The following HHLA1 variants were observed in gnomAD, a reference collection of about 807,000 sequenced individuals.
HHLA1 encodes the protein HERV-H LTR-associating protein 1.
A neutral mutation model predicts 69.9 loss-of-function variants in HHLA1; 72 were observed. The observed-to-expected ratio is 1.03, with a 90% CI of 0.85 to 1.25. The LOEUF (loss-of-function observed/expected upper bound fraction) is 1.25. Among genes scored for constraint, HHLA1 ranks in the 50% most tolerant of loss-of-function variants. The pLI is 0.00. For synonymous variants in HHLA1, 252 were observed against 233.2 expected, an observed-to-expected ratio of 1.08 and a Z score of -0.73; for missense variants, 685 against 642.2, an observed-to-expected ratio of 1.07 and a Z score of -0.72.
chr8:132,092,831 C>T (rs1316376292), intron 7 of HHLA1, among the ~76,000 whole-genome samples: 1 of 152,146 alleles, frequency 6.6e-6, no homozygotes, highest in Non-Finnish European at 1.5e-5. Context: ...TTCATTGTAG[C>T]TGGAGTGTGA....
chr8:132,101,218 AG>A, intron 3 of HHLA1: 1 of 1,550,484 alleles, frequency 6.4e-7, no homozygotes, highest in Non-Finnish European at 8.7e-7. Context: ...GTCAGGATTT[AG>A]GGCTGCCCGG....
At chr8:132,075,256 T>C (rs1193546916) in intron 14 of HHLA1, among the ~76,000 whole-genome samples, 1 of 152,154 alleles carries the variant, frequency 6.6e-6, no homozygotes, top group African/African-American at 2.4e-5. Context: ...AATGCCCTGT[T>C]GACATATGAC....
At position 132,109,095 on chromosome 8, in the gene HHLA1, C is replaced by A. The variant is rs1223621118; in HGVS notation, c.-22+2007G>T. On this transcript the variant is annotated intron_variant, in intron 1 of 16. Coordinates refer to ENST00000414222, the MANE Select transcript of HHLA1 (RefSeq NM_001145095.3). ...CGATCTCGGCATACTGCAACCTCCGCCTCCTGGGTTCAAGCAACTCTCTGC... is the reference window on the plus strand; with the variant it reads ...CGATCTCGGCATACTGCAACCTCCGACTCCTGGGTTCAAGCAACTCTCTGC... Among the ~76,000 whole-genome samples, 5 of 152,330 alleles carry A rather than the reference C, an allele frequency of 3.3e-5. No individual in the cohort carries two copies. The East Asian group carries it at 9.7e-4, about 29-fold the overall frequency.
Position 132,076,096 on chromosome 8 carries a change from C to A in HHLA1, c.1274G>T (p.Gly425Val). The change falls in exon 14 of 17, where the codon GGT becomes GTT. Residue 425 changes from glycine to valine, a missense_variant. Physicochemically the swap from Gly to Val is moderately radical, Grantham distance 109. Transcript: ENST00000414222. ...DLSAEWPFTAGEEPVLVPRPH... is the reference protein window; with the variant it reads ...DLSAEWPFTAVEEPVLVPRPH... Reference sequence around the variant, plus strand: ...TCTTGGGACCAGGACTGGCTCTTCACCAGCAGTGAATGGCCACTCTGCAGA... The same window carrying A: ...TCTTGGGACCAGGACTGGCTCTTCAACAGCAGTGAATGGCCACTCTGCAGA... The A allele has an allele frequency of 6.4e-7, 1 of 1,551,386 alleles. No individual in the cohort carries two copies. Among genetic ancestry groups the A allele is most frequent in the South Asian group, 1.2e-5 (1 of 84,064 alleles).
chr8:132,079,024 T>C (rs1823694220), intron 11 of HHLA1, among the ~76,000 whole-genome samples: 1 of 152,244 alleles, frequency 6.6e-6, no homozygotes, highest in African/African-American at 2.4e-5. Flanking sequence ...ACCCATTAAC[T>C]CTTCATTTAA....
chr8:132,084,748 C>T (rs567237375), intron 10 of HHLA1, among the ~76,000 whole-genome samples: 7 of 141,416 alleles, frequency 4.9e-5, no homozygotes, highest in Admixed American at 4.6e-4. Context: ...AGAGAAAAGA[C>T]TTGAGACACA....
intron 3 of HHLA1, among the ~76,000 whole-genome samples, chr8:132,101,879 C>T (rs1387957237): frequency 1.3e-5 from 2 of 152,190 alleles, no homozygotes; most frequent in African/African-American, 2.4e-5. Context: ...TCCCAATTAA[C>T]AGATTTTTAA....
chr8:132,067,975 G>T (rs994823611), intron 15 of HHLA1, among the ~76,000 whole-genome samples: 2 of 152,212 alleles, frequency 1.3e-5, no homozygotes, highest in Non-Finnish European at 2.9e-5. Flanking sequence ...CTAGCTTTGA[G>T]GGCCTTGGCT....
rs1221678364 is a variant in HHLA1, at chr8:132,070,722, TCATCTCAACTCAACA to T, written c.1469+603_1469+617del. ...TCATCTCAACTCAACACAACTCACC[TCATCTCAACTCAACA>T]CATCTCAACTCAACACAACTCAACT... On this transcript the variant is annotated intron_variant, in intron 15 of 16. Transcript: ENST00000414222. Among the ~76,000 whole-genome samples the T allele has an allele frequency of 1.3e-4, 19 of 151,836 alleles. 1 individual carries two copies. The East Asian group carries it at 3.1e-3, about 25-fold the overall frequency.
intron 13 of HHLA1, 62 bp from the exon 14 acceptor site, chr8:132,076,191 A>G: frequency 8.7e-7 from 1 of 1,154,410 alleles, no homozygotes; most frequent in Non-Finnish European, 1.3e-6. Context: ...TGATACACAC[A>G]GCAAGAAATT....
chr8:132,063,523 A>G lies in HHLA1; in HGVS notation c.*472T>C, dbSNP rs1326948036. On this transcript the variant is annotated 3_prime_UTR_variant, in exon 17 of 17. Coordinates refer to ENST00000414222, the MANE Select transcript of HHLA1 (RefSeq NM_001145095.3). Reference sequence around the variant, plus strand: ...TATTAGTTAACTATCAGTATATGTGAATCTCTCTAGAGTATGAATTCAATA... The same window carrying G: ...TATTAGTTAACTATCAGTATATGTGGATCTCTCTAGAGTATGAATTCAATA... The G allele has an allele frequency of 6.5e-6, 1 of 152,776 alleles. No individual in the cohort carries two copies. 9.5% of individuals were successfully genotyped at this position (152,776 alleles called of 1,614,324 possible). A position where few individuals can be genotyped will look rare whatever the true frequency, so the allele number is the denominator to read the frequency against.
At chr8:132,082,112 G>A (rs536661420) in intron 10 of HHLA1, among the ~76,000 whole-genome samples, 5 of 152,290 alleles carry the variant, frequency 3.3e-5, no homozygotes, top group East Asian at 1.9e-4. Context: ...GTGGGAGGCC[G>A]GACTGAAGTC....
At chr8:132,095,403 A>G (rs563118647) in intron 7 of HHLA1, 116 bp downstream of exon 7, 9 of 625,014 alleles carry the variant, frequency 1.4e-5, no homozygotes, top group African/African-American at 9.2e-5. Context: ...CACATGGTTA[A>G]GGGTAGTGGA....
At chr8:132,084,030 C>T (rs1193533774) in intron 10 of HHLA1, among the ~76,000 whole-genome samples, 2 of 151,784 alleles carry the variant, frequency 1.3e-5, no homozygotes, top group Non-Finnish European at 2.9e-5. Context: ...AAGTCATGAA[C>T]TGGGCTGGAT....
intron 15 of HHLA1, among the ~76,000 whole-genome samples, chr8:132,070,753 C>T (rs948546073): frequency 3.9e-5 from 6 of 151,974 alleles, no homozygotes; most frequent in African/African-American, 1.2e-4. Flanking sequence ...CAACTCAACA[C>T]AACTCAACTC....
At chr8:132,066,160 C>A (rs767147603) in intron 15 of HHLA1, among the ~76,000 whole-genome samples, 192 bp from the exon 16 acceptor site, 12 of 152,158 alleles carry the variant, frequency 7.9e-5, no homozygotes, top group Non-Finnish European at 1.3e-4. Context: ...GAAGTTCAGA[C>A]TTTGGGGCCA....
At position 132,087,871 on chromosome 8, in the gene HHLA1, A is replaced by G; in HGVS notation, c.563T>C (p.Phe188Ser). The change falls in exon 9 of 17, where the codon TTC becomes TCC. Residue 188 changes from phenylalanine (F) to serine (S), a missense_variant. By Grantham distance (155) the Phe-to-Ser change is radical. Transcript: ENST00000414222. ...TGACTTTCCTGTCATCACACAGATG[A>G]AGATGCAATCTGATTCATTGCTTTG... ...VNQSNESDCIFICVMTGKSGR... is the reference protein window; with the variant it reads ...VNQSNESDCISICVMTGKSGR... The G allele has an allele frequency of 6.4e-7, 1 of 1,551,728 alleles. No homozygotes were observed. Among genetic ancestry groups the G allele is most frequent in the South Asian group, 1.2e-5 (1 of 84,060 alleles).
Position 132,065,924 on chromosome 8 carries a change from T to C in HHLA1, c.1514A>G (p.Tyr505Cys), listed in dbSNP as rs776642749. Residue 505 changes from tyrosine to cysteine, a missense_variant, in exon 16 of 17, where the codon TAT (tyrosine) becomes TGT (cysteine). By Grantham distance (194) the Tyr-to-Cys change is radical (BLOSUM62 -2). Transcript: ENST00000414222. ...CACCCTTTTCACCCTCTGACAGATA[T>C]ATGTTGCATTCTTCAGAAACCAGGA... ...YYSWFLKNATYICQRVKRVSH... is the reference protein window; with the variant it reads ...YYSWFLKNATCICQRVKRVSH... 7.7e-6 allele frequency: 10 copies of C among 1,303,070 alleles called. No homozygotes were observed. Among genetic ancestry groups the C allele is most frequent in the Admixed American group, 6.9e-5 (3 of 43,556 alleles). The allele number at this position is 1,303,070 out of a possible 1,614,324, so 80.7% of individuals were successfully genotyped here.
rs1205333789 is a variant in HHLA1 at position 132,088,469 on chromosome 8, TC to T, written c.533-569del. Among the ~76,000 whole-genome samples the T allele has an allele frequency of 5.3e-5, 8 of 152,298 alleles. 1 individual carries two copies. The East Asian group carries it at 1.5e-3, about 29-fold the overall frequency. On this transcript the variant is annotated intron_variant, in intron 8 of 16. Transcript: ENST00000414222. ...GGTAGGATGTGCACACTTTATTAGA[TC>T]TTCAAAGCCTGAAAACTTCTGAATT... is the stretch of plus-strand genomic sequence containing the variant.
Sources: gnomAD v4.1 joint callset for allele counts (sites outside exome capture counted in the v4.1 genomes callset) on GRCh38, gnomAD v4.1.1 for gene constraint, MANE v1.5 for transcripts, NCBI Gene and HGNC (gene_info 2026-07-23, HGNC 2026-07-21) for gene names.